The following RBMS3 variants were observed in gnomAD, a reference collection of about 807,000 sequenced individuals.
The protein encoded by RBMS3 is RNA-binding motif, single-stranded-interacting protein 3.
In RBMS3, 27 loss-of-function variants were observed where a neutral mutation model predicts 66.8. The observed-to-expected ratio is 0.40, with a 90% CI of 0.30 to 0.56. The LOEUF (loss-of-function observed/expected upper bound fraction) is 0.56. Ranked by LOEUF, RBMS3 falls within the 20% of genes least tolerant of loss-of-function variation. The pLI is 0.40. For synonymous variants in RBMS3, 188 were observed against 183.0 expected, an observed-to-expected ratio of 1.03 and a Z score of -0.22; for missense variants, 513 against 549.5, an observed-to-expected ratio of 0.93 and a Z score of 0.66.
chr3:29,702,098 C>A (rs992954123), intron 4 of RBMS3, among the ~76,000 whole-genome samples: 1 of 152,106 alleles, frequency 6.6e-6, no homozygotes, highest in Non-Finnish European at 1.5e-5. Flanking sequence ...TTTGTAAACA[C>A]ACCAATCAGC....
chr3:29,631,061 T>C (rs148759891), intron 4 of RBMS3, among the ~76,000 whole-genome samples: 21 of 152,020 alleles, frequency 1.4e-4, no homozygotes, highest in African/African-American at 4.8e-4. Flanking sequence ...CTTAGCAAAA[T>C]TTGAGTATTT....
At chr3:29,574,748 G>C (rs1408233944) in intron 3 of RBMS3, among the ~76,000 whole-genome samples, 1 of 150,524 alleles carries the variant, frequency 6.6e-6, no homozygotes, top group East Asian at 1.9e-4. Context: ...TTTGATTTGA[G>C]GTTACAGTGA....
At chr3:29,480,271 C>T (rs2043084922) in intron 2 of RBMS3, among the ~76,000 whole-genome samples, 2 of 152,194 alleles carry the variant, frequency 1.3e-5, no homozygotes, top group Non-Finnish European at 2.9e-5. Flanking sequence ...GAATCAGAAA[C>T]TCGGGGGTTG....
chr3:29,409,735 G>A (rs558273777), intron 1 of RBMS3, among the ~76,000 whole-genome samples: 20 of 152,248 alleles, frequency 1.3e-4, no homozygotes, highest in African/African-American at 4.6e-4. Context: ...ACTGGACTGG[G>A]GTATGAATTA....
intron 2 of RBMS3, among the ~76,000 whole-genome samples, chr3:29,438,191 T>G (rs1306379414): frequency 6.6e-6 from 1 of 152,204 alleles, no homozygotes; most frequent in African/African-American, 2.4e-5. Flanking sequence ...CAGATAATTT[T>G]AGTAGATTTA....
intron 12 of RBMS3, among the ~76,000 whole-genome samples, chr3:29,962,328 C>T (rs572937793): frequency 1.5e-4 from 23 of 151,434 alleles, no homozygotes; most frequent in Non-Finnish European, 3.2e-4. Context: ...TATGTGTATC[C>T]GCTATGGAAT....
intron 3 of RBMS3, among the ~76,000 whole-genome samples, chr3:29,535,710 C>CTTTTTTT (rs149022808): frequency 0.041 from 1,644 of 39,802 alleles, 486 homozygotes; most frequent in East Asian, 0.051. Flanking sequence ...GATCATTGCT[C>CTTTTTTT]TTTTTTTTTT....
chr3:29,794,539 T>C lies in RBMS3; in HGVS notation c.637+31550T>C, dbSNP rs149625722. On this transcript the variant is annotated intron_variant, in intron 6 of 14. Transcript: ENST00000383767. ...AGGCTGAGCTTACAGTGAGCTGAGA[T>C]TGCGCCACTGCACTCCAGCATGGGC... 7.5e-3 allele frequency among the ~76,000 whole-genome samples: 1,142 copies of C among 152,278 alleles called. 15 individuals carry two copies. Among genetic ancestry groups the C allele is most frequent in the Middle Eastern group, 0.044 (13 of 294 alleles).
At chr3:29,848,623 C>T (rs2058850383) in intron 6 of RBMS3, among the ~76,000 whole-genome samples, 1 of 152,132 alleles carries the variant, frequency 6.6e-6, no homozygotes, top group African/African-American at 2.4e-5. Flanking sequence ...TATGGACAAA[C>T]CATGAATGCC....
intron 1 of RBMS3, among the ~76,000 whole-genome samples, chr3:29,408,156 C>T (rs547101268): frequency 6.6e-6 from 1 of 150,730 alleles, no homozygotes; most frequent in African/African-American, 2.4e-5. Flanking sequence ...CCTGTAGCCC[C>T]AGCTACTTGG....
At chr3:29,700,306 T>C (rs942127986) in intron 4 of RBMS3, among the ~76,000 whole-genome samples, 1 of 152,216 alleles carries the variant, frequency 6.6e-6, no homozygotes, top group African/African-American at 2.4e-5. Context: ...ACAGGAATAG[T>C]ATGGAGTTCT....
intron 1 of RBMS3, among the ~76,000 whole-genome samples, chr3:29,394,898 C>G (rs2039477350): frequency 6.6e-6 from 1 of 151,994 alleles, no homozygotes; most frequent in African/African-American, 2.4e-5. Flanking sequence ...CCGCATTCCA[C>G]CTGTTGGGAA....
intron 6 of RBMS3, among the ~76,000 whole-genome samples, chr3:29,808,826 G>A (rs2057638661): frequency 6.6e-6 from 1 of 151,776 alleles, no homozygotes; most frequent in African/African-American, 2.4e-5. Flanking sequence ...TCTGTCCATT[G>A]GATACCATGG....
intron 4 of RBMS3, among the ~76,000 whole-genome samples, chr3:29,678,404 G>A (rs565403130): frequency 9.9e-5 from 15 of 152,148 alleles, no homozygotes; most frequent in Admixed American, 9.8e-4. Flanking sequence ...AAAACTGATG[G>A]TATTTTTCTT....
intron 4 of RBMS3, among the ~76,000 whole-genome samples, chr3:29,631,376 A>T (rs2149176341): frequency 6.6e-6 from 1 of 151,958 alleles, no homozygotes; most frequent in Non-Finnish European, 1.5e-5. Flanking sequence ...CTTTTCTGTT[A>T]TCTTGAGGGT....
intron 4 of RBMS3, among the ~76,000 whole-genome samples, chr3:29,665,321 T>G (rs2050708858): frequency 6.6e-6 from 1 of 152,226 alleles, no homozygotes; most frequent in Non-Finnish European, 1.5e-5. Flanking sequence ...TACGATTGAT[T>G]TATTTAATTT....
chr3:29,716,411 G>A (rs2053396966), intron 4 of RBMS3, among the ~76,000 whole-genome samples: 2 of 152,092 alleles, frequency 1.3e-5, no homozygotes, highest in South Asian at 4.1e-4. Context: ...AATAATGCAA[G>A]TCATCGTTTC....
At chr3:29,723,443 T>C (rs1257144640) in intron 4 of RBMS3, among the ~76,000 whole-genome samples, 1 of 152,194 alleles carries the variant, frequency 6.6e-6, no homozygotes, top group Non-Finnish European at 1.5e-5. Context: ...AGTAATTCAC[T>C]TATATAAGAA....
chr3:29,771,061 A>G (rs1559653492), intron 6 of RBMS3, among the ~76,000 whole-genome samples: 1 of 152,044 alleles, frequency 6.6e-6, no homozygotes, highest in African/African-American at 2.4e-5. Flanking sequence ...GCAAAACATA[A>G]GAAAATATTT....
Sources: gnomAD v4.1 joint callset for allele counts (sites outside exome capture counted in the v4.1 genomes callset) on GRCh38, gnomAD v4.1.1 for gene constraint, MANE v1.5 for transcripts, NCBI Gene and HGNC (gene_info 2026-07-23, HGNC 2026-07-21) for gene names.